The following RIMS1 variants were observed in gnomAD, a reference collection of about 807,000 sequenced individuals.
The protein encoded by RIMS1 is regulating synaptic membrane exocytosis 1, also known as regulating synaptic membrane exocytosis protein 1.
Under a neutral mutation model 214.1 loss-of-function variants are expected in RIMS1, and 83 were observed. The observed-to-expected ratio is 0.39, with a 90% CI of 0.32 to 0.47. RIMS1 has a LOEUF of 0.47. Among genes scored for constraint, RIMS1 ranks in the 20% least tolerant of loss-of-function variants. RIMS1 has a pLI of 0.99. For synonymous variants in RIMS1, 793 were observed against 786.8 expected, an observed-to-expected ratio of 1.01 and a Z score of -0.13; for missense variants, 2,050 against 2,161.8, an observed-to-expected ratio of 0.95 and a Z score of 1.03.
At chr6:72,198,277 G>A (rs1425296826) in intron 6 of RIMS1, among the ~76,000 whole-genome samples, 1 of 152,038 alleles carries the variant, frequency 6.6e-6, no homozygotes, top group Non-Finnish European at 1.5e-5. Flanking sequence ...CCATATGAAA[G>A]AATGAAATCC....
chr6:72,109,336 A>G (rs947574957), intron 4 of RIMS1, among the ~76,000 whole-genome samples: 2 of 150,446 alleles, frequency 1.3e-5, no homozygotes, highest in Admixed American at 1.3e-4. Context: ...AAGTGTTCCT[A>G]TTTCTCCACC....
At chr6:72,175,227 T>C (rs2047537917) in intron 4 of RIMS1, 1 of 174,528 alleles carries the variant, frequency 5.7e-6, no homozygotes, top group Admixed American at 6.1e-5. Flanking sequence ...CCTATATTCA[T>C]TGAAAATTGA....
chr6:72,121,742 G>A (rs1000958354), intron 4 of RIMS1, among the ~76,000 whole-genome samples: 7 of 151,848 alleles, frequency 4.6e-5, no homozygotes, highest in Admixed American at 6.6e-5. Context: ...GTTTTCAAAG[G>A]GAATGCTTCC....
intron 26 of RIMS1, among the ~76,000 whole-genome samples, chr6:72,298,937 T>C (rs2094361356): frequency 6.6e-6 from 1 of 152,032 alleles, no homozygotes; most frequent in Non-Finnish European, 1.5e-5. Flanking sequence ...TAAATGTTCA[T>C]AGTACTTTGT....
At chr6:72,179,425 G>A in intron 4 of RIMS1, 150 bp from the exon 5 acceptor site, 2 of 734,718 alleles carry the variant, frequency 2.7e-6, no homozygotes, top group South Asian at 1.5e-5. Flanking sequence ...ATTTGACTGT[G>A]ACTTGTGGGA....
chr6:71,979,373 C>A (rs764235165), intron 2 of RIMS1, among the ~76,000 whole-genome samples: 4 of 152,112 alleles, frequency 2.6e-5, no homozygotes, highest in Non-Finnish European at 5.9e-5. Context: ...AAAACATGAC[C>A]TATGTTAGTG....
In RIMS1 at chr6:72,401,012, C is replaced by T. The variant is rs1240164381; in HGVS notation, c.*298C>T. On this transcript the variant is annotated 3_prime_UTR_variant, in exon 34 of 34. Coordinates refer to ENST00000521978, the MANE Select transcript of RIMS1 (RefSeq NM_014989.7). ...GCATACACGTACACACACACATGCA[C>T]ACACACACACACCAAATTGAACAAA... 7.0e-6 allele frequency: 2 copies of T among 286,108 alleles called. No homozygotes were observed. Among genetic ancestry groups the T allele is most frequent in the Non-Finnish European group, 1.3e-5 (2 of 149,334 alleles). 17.7% of individuals were successfully genotyped at this position (286,108 alleles called of 1,614,324 possible). A position where few individuals can be genotyped will look rare whatever the true frequency, so the allele number is the denominator to read the frequency against.
chr6:72,082,310 C>T (rs1170235175), intron 2 of RIMS1, among the ~76,000 whole-genome samples: 2 of 152,152 alleles, frequency 1.3e-5, no homozygotes, highest in Non-Finnish European at 2.9e-5. Context: ...TTCCTCTATA[C>T]ATTATAAAAT....
chr6:72,242,257 T>G, intron 9 of RIMS1, 57 bp from the exon 10 acceptor site: 1 of 1,296,734 alleles, frequency 7.7e-7, no homozygotes, highest in Non-Finnish European at 1.1e-6. Flanking sequence ...AGAGAAAAGA[T>G]ACGAAAAATA....
At chr6:72,271,834 T>A (rs2083547042) in intron 22 of RIMS1, among the ~76,000 whole-genome samples, 1 of 152,184 alleles carries the variant, frequency 6.6e-6, no homozygotes, top group South Asian at 2.1e-4. Context: ...TATTCTGTGC[T>A]ATGCATAATG....
chr6:72,341,779 C>CTAGGG (rs2097102225), intron 29 of RIMS1, among the ~76,000 whole-genome samples: 11 of 151,704 alleles, frequency 7.3e-5, no homozygotes, highest in Admixed American at 1.3e-4. Flanking sequence ...GGATCTAAGT[C>CTAGGG]CCTAGGATGA....
chr6:71,928,717 C>T (rs1247001998), intron 1 of RIMS1, among the ~76,000 whole-genome samples: 4 of 152,036 alleles, frequency 2.6e-5, no homozygotes, highest in Non-Finnish European at 5.9e-5. Context: ...GTTTCTCAAT[C>T]TTGACTGCAT....
chr6:72,290,675 T>G lies in RIMS1; in HGVS notation c.3555-4T>G. On this transcript the variant is annotated splice_polypyrimidine_tract_variant and splice_region_variant and intron_variant, in intron 24 of 33. Transcript: ENST00000521978. ...GAAGATCTTTTTTGGCCCTAATGTTTTAGGGTTCTCCCAACATGTCTTTCT... is the reference window on the plus strand; with the variant it reads ...GAAGATCTTTTTTGGCCCTAATGTTGTAGGGTTCTCCCAACATGTCTTTCT... 6.2e-7 allele frequency: 1 copy of G among 1,612,562 alleles called. No homozygotes were observed. Among genetic ancestry groups the G allele is most frequent in the South Asian group, 1.1e-5 (1 of 90,862 alleles).
rs2098838296 is a variant in RIMS1 at position 72,402,042 on chromosome 6, T to C, written c.*1328T>C. The C allele has an allele frequency of 6.6e-6, 1 of 152,468 alleles. No homozygotes were observed. Among genetic ancestry groups the C allele is most frequent in the African/African-American group, 2.4e-5 (1 of 41,464 alleles). The allele number at this position is 152,468 out of a possible 1,614,324, so 9.4% of individuals were successfully genotyped here. A position where few individuals can be genotyped will look rare whatever the true frequency, so the allele number is the denominator to read the frequency against. ...TCTGTACATGTGCTACAAACTGCAGTCTCTGCAGGTGCATTGATATGTTCT... is the reference window on the plus strand; with the variant it reads ...TCTGTACATGTGCTACAAACTGCAGCCTCTGCAGGTGCATTGATATGTTCT... On this transcript the variant is annotated 3_prime_UTR_variant, in exon 34 of 34. Transcript: ENST00000521978.
At chr6:71,897,699 A>C (rs1201594611) in intron 1 of RIMS1, among the ~76,000 whole-genome samples, 5 of 152,130 alleles carry the variant, frequency 3.3e-5, no homozygotes, top group African/African-American at 1.2e-4. Flanking sequence ...TTCTCTTAAC[A>C]GTGTCCTCTC....
chr6:72,212,938 C>CCTTGCA (rs2054084527), intron 6 of RIMS1: 1 of 1,386,930 alleles, frequency 7.2e-7, no homozygotes, highest in African/African-American at 1.5e-5. Context: ...AGGAGACTTT[C>CCTTGCA]TTGTTCTCAC....
chr6:72,336,796 G>C (rs945038120), intron 29 of RIMS1, among the ~76,000 whole-genome samples: 4 of 151,640 alleles, frequency 2.6e-5, no homozygotes, highest in African/African-American at 9.7e-5. Flanking sequence ...CTTTGTTTTA[G>C]TGCATAGCCT....
At chr6:72,004,495 A>G (rs1011131261) in intron 2 of RIMS1, among the ~76,000 whole-genome samples, 3 of 151,542 alleles carry the variant, frequency 2.0e-5, no homozygotes, top group African/African-American at 7.3e-5. Flanking sequence ...AACAGTGTAA[A>G]AGTGTTCCTA....
intron 4 of RIMS1, among the ~76,000 whole-genome samples, chr6:72,152,786 A>C (rs9360533): frequency 0.076 from 8,239 of 108,634 alleles, 487 homozygotes; most frequent in East Asian, 0.13. Context: ...ATATGTATAT[A>C]TATGGAATAT....
Sources: gnomAD v4.1 joint callset for allele counts (sites outside exome capture counted in the v4.1 genomes callset) on GRCh38, gnomAD v4.1.1 for gene constraint, MANE v1.5 for transcripts, NCBI Gene and HGNC (gene_info 2026-07-23, HGNC 2026-07-21) for gene names.